The following OR5T2 variants were observed in gnomAD, a reference collection of about 807,000 sequenced individuals.
The protein encoded by OR5T2 is olfactory receptor 5T2.
Under a neutral mutation model 13.7 loss-of-function variants are expected in OR5T2, and 12 were observed. The observed-to-expected ratio is 0.88, with a 90% CI of 0.56 to 1.42. The LOEUF (loss-of-function observed/expected upper bound fraction) is 1.42. Ranked by LOEUF, OR5T2 falls within the 40% of genes most tolerant of loss-of-function variation. The pLI, the probability that OR5T2 is intolerant of heterozygous loss-of-function variation, is 0.00. For synonymous variants in OR5T2, 146 were observed against 139.5 expected, an observed-to-expected ratio of 1.05 and a Z score of -0.33; for missense variants, 475 against 372.0, an observed-to-expected ratio of 1.28 and a Z score of -2.28.
In OR5T2 at chr11:56,232,370, C is replaced by G. The variant is rs1407549772; in HGVS notation, c.693G>C (p.Gly231=). 6.2e-7 allele frequency: 1 copy of G among 1,609,516 alleles called. No homozygotes were observed. Among genetic ancestry groups the G allele is most frequent in the South Asian group, 1.1e-5 (1 of 90,436 alleles). ...CACATGTGGAGAAGACTTTTCTCCT[C>G]CCTTCAGCAGAATACATCTTCAGAA... is the stretch of plus-strand genomic sequence containing the variant. The part of the protein sequence containing the change: ...LAILKMYSAE[G]RRKVFSTCGA... Residue 231 remains glycine, a synonymous_variant, in exon 2 of 2, where the codon GGG becomes GGC. Coordinates refer to ENST00000641661, the MANE Select transcript of OR5T2 (RefSeq NM_001004746.4).
Position 56,234,172 on chromosome 11 carries a change from A to T in OR5T2, c.-203+5T>A, listed in dbSNP as rs1176437262. ...CTGCAAGAACAGACATTTCTTGTAC[A>T]TTACCTTATTTCACCTTTATAGCAA... On this transcript the variant is annotated splice_donor_5th_base_variant and intron_variant, in intron 1 of 1. Transcript: ENST00000641661. 2 of 152,050 alleles carry T rather than the reference A, an allele frequency of 1.3e-5. No individual in the cohort carries two copies. The highest frequency in any genetic ancestry group is 2.9e-5 in the Non-Finnish European group (2 of 67,962). 9.4% of individuals were successfully genotyped at this position (152,050 alleles called of 1,614,324 possible). A position where few individuals can be genotyped will look rare whatever the true frequency, so the allele number is the denominator to read the frequency against.
chr11:56,231,850 C>A lies in OR5T2; in HGVS notation c.*256G>T, dbSNP rs1453699120. 3.1e-6 allele frequency: 1 copy of A among 319,182 alleles called. No individual in the cohort carries two copies. Among genetic ancestry groups the A allele is most frequent in the East Asian group, 5.5e-5 (1 of 18,036 alleles). The allele number at this position is 319,182 out of a possible 1,614,324, so 19.8% of individuals were successfully genotyped here. A position where few individuals can be genotyped will look rare whatever the true frequency, so the allele number is the denominator to read the frequency against. On this transcript the variant is annotated 3_prime_UTR_variant, in exon 2 of 2. Transcript: ENST00000641661. The stretch of plus-strand genomic sequence containing the variant: ...CCCCGAAGGTATAGGGTGGGACTCT[C>A]TCATGGGAGAGTCTTAAGATTCACA...
rs1404172130 is a variant in OR5T2, at chr11:56,232,066, T to C, written c.*40A>G. 1 of 1,455,642 alleles carries C rather than the reference T, an allele frequency of 6.9e-7. No individual in the cohort carries two copies. Among genetic ancestry groups the C allele is most frequent in the East Asian group, 2.4e-5 (1 of 42,120 alleles). The allele number at this position is 1,455,642 out of a possible 1,614,324, so 90.2% of individuals were successfully genotyped here. A position where few individuals can be genotyped will look rare whatever the true frequency, so the allele number is the denominator to read the frequency against. On this transcript the variant is annotated 3_prime_UTR_variant, in exon 2 of 2. Coordinates refer to ENST00000641661, the MANE Select transcript of OR5T2 (RefSeq NM_001004746.4). ...TCATAACACCACAATGACACATTCT[T>C]GGTATTGAGGTGCAGAGTATCACCC... is the stretch of plus-strand genomic sequence containing the variant.
chr11:56,232,244 T>G lies in OR5T2; in HGVS notation c.819A>C (p.Ser273=). 1 of 1,613,800 alleles carries G rather than the reference T, an allele frequency of 6.2e-7. No individual in the cohort carries two copies. Among genetic ancestry groups the G allele is most frequent in the Admixed American group, 1.7e-5 (1 of 59,998 alleles). The stretch of plus-strand genomic sequence containing the variant: ...AGGGAATCACAATGGTGTAAAATAT[T>G]GACACTATCATGTCATGGTCCGAAG... ...SYASDHDMIV[S]IFYTIVIPLL... The change falls in exon 2 of 2, where the codon TCA becomes TCC. Residue 273 remains serine (S), a synonymous_variant. Transcript: ENST00000641661.
In OR5T2 at chr11:56,232,018, C is replaced by T. The variant is rs1285035966; in HGVS notation, c.*88G>A. The T allele has an allele frequency of 6.4e-6, 7 of 1,087,528 alleles. No homozygotes were observed. In the East Asian group the frequency reaches 1.6e-4, roughly 25 times the overall value. 67.4% of individuals were successfully genotyped at this position (1,087,528 alleles called of 1,614,324 possible). On this transcript the variant is annotated 3_prime_UTR_variant, in exon 2 of 2. Transcript: ENST00000641661. ...GGCTATGGGAATTATGAGCCAGGAA[C>T]CCTGGATGGAAACCAACATATATCA...
Position 56,232,471 on chromosome 11 carries a change from A to G in OR5T2, c.592T>C (p.Phe198Leu), listed in dbSNP as rs1853300168. The G allele has an allele frequency of 5.6e-6, 9 of 1,606,644 alleles. 1 individual carries two copies. The East Asian group carries it at 2.0e-4, about 36-fold the overall frequency. The change falls in exon 2 of 2, where the codon TTC (phenylalanine) becomes CTC (leucine). Residue 198 changes from phenylalanine (F) to leucine (L), a missense_variant. Transcript: ENST00000641661. ...SDTHTNQLLL[F>L]YFVGSIELVT... ...AGCTCGATAGAGCCCACAAAGTAGA[A>G]GAGTAGAAGCTGGTTTGTGTGAGTG...
At position 56,233,878 on chromosome 11, in the gene OR5T2, C is replaced by T. The variant is rs116346001; in HGVS notation, c.-203+299G>A. ...CAAATAAGATACTTCAACCAAATTT[C>T]TTGTGAGACAGGCATTTCTACTAGA... is the stretch of plus-strand genomic sequence containing the variant. On this transcript the variant is annotated intron_variant, in intron 1 of 1. Coordinates refer to ENST00000641661, the MANE Select transcript of OR5T2 (RefSeq NM_001004746.4). Among the ~76,000 whole-genome samples, 1,304 of 151,676 alleles carry T rather than the reference C, an allele frequency of 8.6e-3. 14 individuals carry two copies. Among genetic ancestry groups the T allele is most frequent in the African/African-American group, 0.03 (1,244 of 41,378 alleles).
At position 56,232,841 on chromosome 11, in the gene OR5T2, A is replaced by C; in HGVS notation, c.222T>G (p.Val74=). ...LSSVDACYSS[V]ITPNMLVDFT... ...AATCTACTAACATATTTGGGGTAAT[A>C]ACTGAGGAATAGCAGGCATCCACAG... Residue 74 remains valine (V), a synonymous_variant, in exon 2 of 2, where the codon GTT becomes GTG. Transcript: ENST00000641661. 1 of 1,613,386 alleles carries C rather than the reference A, an allele frequency of 6.2e-7. No homozygotes were observed. The highest frequency in any genetic ancestry group is 1.1e-5 in the South Asian group (1 of 91,022).
intron 1 of OR5T2, among the ~76,000 whole-genome samples, chr11:56,233,696 T>G (rs1853329072): frequency 1.3e-5 from 2 of 152,222 alleles, no homozygotes; most frequent in South Asian, 2.1e-4. Flanking sequence ...AATGAACAGT[T>G]ATGATTTTTT....
rs1235850143 is a variant in OR5T2, at chr11:56,232,352, G to A, written c.711C>T (p.Ser237=). The A allele has an allele frequency of 6.2e-7, 1 of 1,607,814 alleles. No homozygotes were observed. Among genetic ancestry groups the A allele is most frequent in the South Asian group, 1.1e-5 (1 of 90,056 alleles). ...YSAEGRRKVF[S]TCGAHLTGVS... ...CTCCAGTTAGGTGAGCTCCACATGT[G>A]GAGAAGACTTTTCTCCTCCCTTCAG... The change falls in exon 2 of 2, where the codon TCC becomes TCT. Residue 237 remains serine (S), a synonymous_variant. Transcript: ENST00000641661.
rs1193562117 is a variant in OR5T2 at position 56,233,959 on chromosome 11, G to T, written c.-203+218C>A. On this transcript the variant is annotated intron_variant, in intron 1 of 1. Transcript: ENST00000641661. ...AAGTTAATATTAGCACATAGTCAAAGATTCAGAGTTATAAAGAGAAAATCA... is the reference window on the plus strand; with the variant it reads ...AAGTTAATATTAGCACATAGTCAAATATTCAGAGTTATAAAGAGAAAATCA... 2.0e-5 allele frequency among the ~76,000 whole-genome samples: 3 copies of T among 151,690 alleles called. No homozygotes were observed. The East Asian group carries it at 5.8e-4, about 29-fold the overall frequency.
In OR5T2 at chr11:56,232,800, T is replaced by G; in HGVS notation, c.263A>C (p.Lys88Thr). Residue 88 changes from lysine to threonine, a missense_variant, in exon 2 of 2, where the codon AAA becomes ACA. Transcript: ENST00000641661. The part of the protein sequence containing the change: ...NMLVDFTTKN[K>T]VISFLGCVAQ... ...TACACATCCAAGGAATGAAATGACT[T>G]TATTCTTTGTCGTAAAATCTACTAA... 1 of 1,613,994 alleles carries G rather than the reference T, an allele frequency of 6.2e-7. No individual in the cohort carries two copies. The highest frequency in any genetic ancestry group is 8.5e-7 in the Non-Finnish European group (1 of 1,179,932).
intron 1 of OR5T2, 100 bp downstream of exon 1, chr11:56,234,077 A>G (rs1853335068): frequency 6.6e-6 from 1 of 152,104 alleles, no homozygotes; most frequent in Non-Finnish European, 1.5e-5. Flanking sequence ...AAGGGAGAAA[A>G]CTTTAAATAT....
At position 56,233,015 on chromosome 11, in the gene OR5T2, T is replaced by C. The variant is rs777512146; in HGVS notation, c.48A>G (p.Thr16=). The change falls in exon 2 of 2, where the codon ACA becomes ACG. Residue 16 remains threonine, a synonymous_variant. Coordinates refer to ENST00000641661, the MANE Select transcript of OR5T2 (RefSeq NM_001004746.4). The part of the protein sequence containing the change: ...EVTLFVLKGF[T]DNLELQTIFF... ...AGATAGTCTGCAGTTCAAGATTGTC[T>C]GTGAAGCCCTTCAGTACAAATAAGG... 5 of 1,605,944 alleles carry C rather than the reference T, an allele frequency of 3.1e-6. No individual in the cohort carries two copies. Among genetic ancestry groups the C allele is most frequent in the South Asian group, 2.2e-5 (2 of 90,304 alleles).
Position 56,232,472 on chromosome 11 carries a change from G to A in OR5T2, c.591C>T (p.Leu197=). Residue 197 remains leucine (L), a synonymous_variant, in exon 2 of 2, where the codon CTC becomes CTT. Coordinates refer to ENST00000641661, the MANE Select transcript of OR5T2 (RefSeq NM_001004746.4). ...GCTCGATAGAGCCCACAAAGTAGAA[G>A]AGTAGAAGCTGGTTTGTGTGAGTGT... ...YSDTHTNQLL[L]FYFVGSIELV... 1.2e-6 allele frequency: 2 copies of A among 1,606,562 alleles called. No homozygotes were observed. The highest frequency in any genetic ancestry group is 1.7e-4 in the Middle Eastern group (1 of 5,998).
chr11:56,232,165 TC>T lies in OR5T2; in HGVS notation c.897del (p.Met299IlefsTer23). ...SLRNKDVKDSMKKMFGKNQVI... is the reference protein window; with the variant it reads ...SLRNKDVKDSXKKMFGKNQVI... ...ACCTGATTTTTCCCAAACATTTTTT[TC>T]ATTGAGTCTTTTACATCTTTGTTCC... On this transcript the variant is annotated frameshift_variant, in exon 2 of 2. Transcript: ENST00000641661. LOFTEE classifies it high-confidence loss of function. 1 of 1,583,016 alleles carries T rather than the reference TC, an allele frequency of 6.3e-7. No individual in the cohort carries two copies.
At position 56,232,651 on chromosome 11, in the gene OR5T2, C is replaced by G. The variant is rs1357365906; in HGVS notation, c.412G>C (p.Val138Leu). The change falls in exon 2 of 2, where the codon GTC (valine) becomes CTC (leucine). Residue 138 changes from valine (V) to leucine (L), a missense_variant. Physicochemically the swap from Val to Leu is conservative, Grantham distance 32. Transcript: ENST00000641661. ...GAAGCATTGATGAGTGGCATGTAGA[C>G]TCTGGGTGACATGCTCACTGAATAC... is the stretch of plus-strand genomic sequence containing the variant. ...LLYSVSMSPR[V>L]YMPLINASYV... 2 of 1,614,134 alleles carry G rather than the reference C, an allele frequency of 1.2e-6. No homozygotes were observed. The highest frequency in any genetic ancestry group is 2.2e-5 in the East Asian group (1 of 44,874).
Position 56,233,055 on chromosome 11 carries a change from T to C in OR5T2, c.8A>G (p.Asn3Ser), listed in dbSNP as rs754003688. 2.4e-5 allele frequency: 39 copies of C among 1,606,626 alleles called. No individual in the cohort carries two copies. The highest frequency in any genetic ancestry group is 3.3e-5 in the Non-Finnish European group (39 of 1,174,120). The change falls in exon 2 of 2, where the codon AAT becomes AGT. Residue 3 changes from asparagine (N) to serine (S), a missense_variant. By Grantham distance (46) the Asn-to-Ser change is conservative. Coordinates refer to ENST00000641661, the MANE Select transcript of OR5T2 (RefSeq NM_001004746.4). MK[N>S]VTEVTLFVLK... ...TACAAATAAGGTAACTTCAGTGACATTCTTCATGTTGAAATCTAGAACAAA... is the reference window on the plus strand; with the variant it reads ...TACAAATAAGGTAACTTCAGTGACACTCTTCATGTTGAAATCTAGAACAAA...
Position 56,232,710 on chromosome 11 carries a change from T to A in OR5T2, c.353A>T (p.Tyr118Phe). 2.5e-6 allele frequency: 4 copies of A among 1,614,158 alleles called. No individual in the cohort carries two copies. Among genetic ancestry groups the A allele is most frequent in the Non-Finnish European group, 2.5e-6 (3 of 1,180,016 alleles). The stretch of plus-strand genomic sequence containing the variant: ...GTTGTAGATGGCTACATAGCGATCA[T>A]AAGCCATTGCAGCCAAGAGAAAGCA... ...TECFLLAAMAYDRYVAIYNPL... is the reference protein window; with the variant it reads ...TECFLLAAMAFDRYVAIYNPL... Residue 118 changes from tyrosine to phenylalanine, a missense_variant, in exon 2 of 2, where the codon TAT becomes TTT. Physicochemically the swap from Tyr to Phe is conservative, Grantham distance 22 (BLOSUM62 3). Coordinates refer to ENST00000641661, the MANE Select transcript of OR5T2 (RefSeq NM_001004746.4).
Sources: gnomAD v4.1 joint callset for allele counts (sites outside exome capture counted in the v4.1 genomes callset) on GRCh38, gnomAD v4.1.1 for gene constraint, MANE v1.5 for transcripts, NCBI Gene and HGNC (gene_info 2026-07-23, HGNC 2026-07-21) for gene names.